Variants in SEC22A observed in about 807,000 individuals in gnomAD.
SEC22A encodes the protein vesicle-trafficking protein SEC22a.
In SEC22A, 22 loss-of-function variants were observed where a neutral mutation model predicts 35.3. The ratio of observed to expected loss-of-function variants is 0.62; its 90% CI spans 0.45 to 0.89. The LOEUF (loss-of-function observed/expected upper bound fraction) is 0.89, where lower values mean the gene tolerates loss of function less well. Among genes scored for constraint, SEC22A ranks in the 40% least tolerant of loss-of-function variants. The pLI, the probability that SEC22A is intolerant of heterozygous loss-of-function variation, is 0.00. For missense variants in SEC22A, 354 were observed against 362.5 expected, an observed-to-expected ratio of 0.98 and a Z score of 0.19; for synonymous variants, 119 against 129.5, an observed-to-expected ratio of 0.92 and a Z score of 0.55.
chr3:123,236,309 C>T (rs1391701348), intron 4 of SEC22A, among the ~76,000 whole-genome samples: 2 of 152,052 alleles, frequency 1.3e-5, no homozygotes, highest in African/African-American at 2.4e-5. Context: ...CCACTGAGTA[C>T]ATGTAGAAAA....
intron 1 of SEC22A, among the ~76,000 whole-genome samples, chr3:123,203,066 T>C (rs1326942803): frequency 4.1e-5 from 5 of 123,106 alleles, no homozygotes; most frequent in Admixed American, 1.6e-4. Flanking sequence ...TTTTTTTTTT[T>C]TTTTTTTTTT....
chr3:123,203,386 A>G (rs1936790751), intron 1 of SEC22A, among the ~76,000 whole-genome samples: 1 of 152,224 alleles, frequency 6.6e-6, no homozygotes, highest in Non-Finnish European at 1.5e-5. Flanking sequence ...AGAGTAATCA[A>G]TAAATAATAC....
intron 5 of SEC22A, among the ~76,000 whole-genome samples, chr3:123,256,559 C>T (rs1444763135): frequency 2.0e-5 from 3 of 152,106 alleles, no homozygotes; most frequent in African/African-American, 7.2e-5. Flanking sequence ...TTAAGCTTTA[C>T]TCCATCTAGG....
intron 4 of SEC22A, among the ~76,000 whole-genome samples, chr3:123,239,049 AT>A (rs143115803): frequency 0.022 from 3,316 of 152,048 alleles, 113 homozygotes; most frequent in African/African-American, 0.076. Context: ...TTATTTCTAT[AT>A]TTTTTTCTTG....
intron 4 of SEC22A, among the ~76,000 whole-genome samples, chr3:123,245,554 C>G (rs1409375506): frequency 1.3e-5 from 2 of 151,958 alleles, no homozygotes; most frequent in East Asian, 3.9e-4. Flanking sequence ...AAAAAATTAG[C>G]CAGGCATGGT....
At chr3:123,232,491 G>A (rs1937339931) in intron 4 of SEC22A, among the ~76,000 whole-genome samples, 1 of 152,100 alleles carries the variant, frequency 6.6e-6, no homozygotes, top group African/African-American at 2.4e-5. Flanking sequence ...TACATTTACT[G>A]GTGATTTTTA....
chr3:123,253,290 TA>T (rs1162673734), intron 5 of SEC22A, among the ~76,000 whole-genome samples: 3 of 152,190 alleles, frequency 2.0e-5, no homozygotes, highest in African/African-American at 7.2e-5. Flanking sequence ...TCTTAGGTCT[TA>T]GGACAGACAA....
chr3:123,233,176 G>A (rs181922416), intron 4 of SEC22A, among the ~76,000 whole-genome samples: 1 of 152,154 alleles, frequency 6.6e-6, no homozygotes, highest in East Asian at 1.9e-4. Context: ...CATTTTGTCA[G>A]TGATAGACTG....
chr3:123,269,220 T>TATATATTTA (rs1559766312), intron 6 of SEC22A, among the ~76,000 whole-genome samples: 6 of 150,064 alleles, frequency 4.0e-5, no homozygotes, highest in South Asian at 2.1e-4. Flanking sequence ...TGTGTGTATA[T>TATATATTTA]ATTACTGGAA....
At chr3:123,203,295 A>G (rs571424082) in intron 1 of SEC22A, among the ~76,000 whole-genome samples, 1 of 152,200 alleles carries the variant, frequency 6.6e-6, no homozygotes, top group East Asian at 1.9e-4. Flanking sequence ...CCTCAAAGGT[A>G]AAATGGAACT....
intron 5 of SEC22A, among the ~76,000 whole-genome samples, chr3:123,258,503 C>T (rs1937797080): frequency 6.6e-6 from 1 of 152,028 alleles, no homozygotes; most frequent in Non-Finnish European, 1.5e-5. Flanking sequence ...TGGTGTTGGC[C>T]TTCCTTGCCT....
intron 4 of SEC22A, among the ~76,000 whole-genome samples, chr3:123,241,832 C>T (rs113174602): frequency 5.9e-4 from 89 of 151,984 alleles, no homozygotes; most frequent in African/African-American, 2.0e-3. Flanking sequence ...TCCAGTCATT[C>T]GCAACAGCAT....
rs756647585 is a variant in SEC22A at position 123,274,110 on chromosome 3, C to T, written c.*2388C>T. The T allele has an allele frequency of 6.6e-6, 1 of 152,128 alleles. No individual in the cohort carries two copies. The highest frequency in any genetic ancestry group is 1.5e-5 in the Non-Finnish European group (1 of 68,012). 9.4% of individuals were successfully genotyped at this position (152,128 alleles called of 1,614,324 possible). A position where few individuals can be genotyped will look rare whatever the true frequency, so the allele number is the denominator to read the frequency against. On this transcript the variant is annotated 3_prime_UTR_variant, in exon 7 of 7. Transcript: ENST00000492595. ...ACATCTTAATGTAAAAAAATGAAAA[C>T]AGGTATAAATGTTTTATGTATAGAA...
At chr3:123,219,660 C>T (rs182232436) in intron 2 of SEC22A, among the ~76,000 whole-genome samples, 129 of 152,326 alleles carry the variant, frequency 8.5e-4, no homozygotes, top group Non-Finnish European at 1.3e-3. Flanking sequence ...CAGTAAACTA[C>T]GTGGTGCTAT....
At chr3:123,270,291 A>G (rs1938130270) in intron 6 of SEC22A, among the ~76,000 whole-genome samples, 1 of 152,114 alleles carries the variant, frequency 6.6e-6, no homozygotes, top group Non-Finnish European at 1.5e-5. Context: ...ACTGATAAAT[A>G]CTTCCAATTC....
At chr3:123,261,393 C>T (rs984171506) in intron 6 of SEC22A, among the ~76,000 whole-genome samples, 9 of 152,166 alleles carry the variant, frequency 5.9e-5, no homozygotes, top group Non-Finnish European at 1.0e-4. Flanking sequence ...CCTGAGATCA[C>T]ATAATCAGAA....
At chr3:123,234,027 TA>T (rs1288762948) in intron 4 of SEC22A, among the ~76,000 whole-genome samples, 2 of 152,120 alleles carry the variant, frequency 1.3e-5, no homozygotes, top group Non-Finnish European at 2.9e-5. Flanking sequence ...AAGATTAATA[TA>T]AAAAACAATT....
intron 4 of SEC22A, chr3:123,243,908 A>G (rs183394644): frequency 1.3e-5 from 2 of 152,350 alleles, no homozygotes; most frequent in Non-Finnish European, 2.9e-5. Context: ...AGACTAAAGA[A>G]AAGACTTTAT....
chr3:123,239,478 G>A (rs915064377), intron 4 of SEC22A, among the ~76,000 whole-genome samples: 1 of 151,708 alleles, frequency 6.6e-6, no homozygotes, highest in African/African-American at 2.4e-5. Flanking sequence ...CCCAGAGTGT[G>A]ATGTTCCCCT....
Sources: gnomAD v4.1 joint callset for allele counts (sites outside exome capture counted in the v4.1 genomes callset) on GRCh38, gnomAD v4.1.1 for gene constraint, MANE v1.5 for transcripts, NCBI Gene and HGNC (gene_info 2026-07-23, HGNC 2026-07-21) for gene names.